Variants in TMEM198 observed in about 807,000 individuals in gnomAD.
The protein encoded by TMEM198 is transmembrane protein 198.
Under a neutral mutation model 31.5 loss-of-function variants are expected in TMEM198, and 21 were observed. The ratio of observed to expected loss-of-function variants is 0.67; its 90% CI spans 0.47 to 0.96. TMEM198 has a LOEUF of 0.96. Ranked by LOEUF, TMEM198 falls within the 40% of genes least tolerant of loss-of-function variation. The probability of loss-of-function intolerance (pLI) is 0.00; values close to 1 mark genes in which losing one functional copy is unlikely to be tolerated. For synonymous variants in TMEM198, 211 were observed against 223.3 expected (o/e 0.95, Z 0.49); for missense variants, 447 against 499.4 (o/e 0.89, Z 1.00).
chr2:219,546,155 T>A (rs957398240), intron 2 of TMEM198, among the ~76,000 whole-genome samples: 3 of 152,106 alleles, frequency 2.0e-5, no homozygotes, highest in African/African-American at 4.8e-5. Context: ...CCTCCTGGAC[T>A]CTCATACTTC....
chr2:219,544,417 G>A, intron 1 of TMEM198, 40 bp downstream of exon 1: 1 of 537,386 alleles, frequency 1.9e-6, no homozygotes. Context: ...GCCCACAGAT[G>A]AATCTCTTGG....
In TMEM198 at chr2:219,549,067, G is replaced by A. The variant is rs1312146740; in HGVS notation, c.743-85G>A. The A allele has an allele frequency of 2.7e-6, 4 of 1,495,496 alleles. No individual in the cohort carries two copies. The Admixed American group carries it at 5.3e-5, about 20-fold the overall frequency. The allele number at this position is 1,495,496 out of a possible 1,614,324, so 92.6% of individuals were successfully genotyped here. A position where few individuals can be genotyped will look rare whatever the true frequency, so the allele number is the denominator to read the frequency against. Reference sequence around the variant, plus strand: ...GACAAGAGGAATCTGGAAGCCTAGAGCCACAGGTGGGATGAGAGAGGGAGG... The same window carrying A: ...GACAAGAGGAATCTGGAAGCCTAGAACCACAGGTGGGATGAGAGAGGGAGG... On this transcript the variant is annotated intron_variant, in intron 3 of 4. Coordinates refer to ENST00000373883, the MANE Select transcript of TMEM198 (RefSeq NM_001005209.3).
rs182023062 is a variant in TMEM198 at position 219,545,949 on chromosome 2, C to T, written c.166+1056C>T. Among the ~76,000 whole-genome samples the T allele has an allele frequency of 3.8e-3, 572 of 152,150 alleles. 1 individual carries two copies. The highest frequency in any genetic ancestry group is 0.013 in the African/African-American group (548 of 41,418). On this transcript the variant is annotated intron_variant, in intron 2 of 4. Coordinates refer to ENST00000373883, the MANE Select transcript of TMEM198 (RefSeq NM_001005209.3). ...GTGCCCCCCGCAAGGGTTCAGGACA[C>T]GTTCTGGGCCTCCAAGGATTCTGTA...
intron 2 of TMEM198, 132 bp from the exon 3 acceptor site, chr2:219,547,374 A>G: frequency 3.0e-6 from 2 of 656,878 alleles, no homozygotes; most frequent in Non-Finnish European, 4.7e-6. Flanking sequence ...GACTCCAGTG[A>G]CCCTCAATTC....
intron 2 of TMEM198, 169 bp from the exon 3 acceptor site, chr2:219,547,337 C>A: frequency 1.9e-6 from 1 of 514,704 alleles, no homozygotes; most frequent in Non-Finnish European, 3.3e-6. Flanking sequence ...CCCCTGACCT[C>A]AATGGCCCCA....
chr2:219,549,658 G>A, intron 4 of TMEM198, 59 bp from the exon 5 acceptor site: 1 of 1,597,034 alleles, frequency 6.3e-7, no homozygotes, highest in South Asian at 1.1e-5. Flanking sequence ...TTCAGGAAGA[G>A]GTGGCTTTTA....
At chr2:219,543,698 T>C (rs1574502666), upstream of TMEM198, 2 of 470,228 alleles carry the variant, frequency 4.3e-6, no homozygotes, top group Non-Finnish European at 7.0e-6. Flanking sequence ...CCGAGCCGAA[T>C]CCCCGGAGCC....
chr2:219,547,701 T>G lies in TMEM198; in HGVS notation c.362T>G (p.Val121Gly). The G allele has an allele frequency of 1.9e-6, 3 of 1,570,178 alleles. No homozygotes were observed. Among genetic ancestry groups the G allele is most frequent in the South Asian group, 1.2e-5 (1 of 86,360 alleles). Reference sequence around the variant, plus strand: ...GTGCGCAGCGTGGGCCTCTTCCTGGTGGGGCTGCTGCTCGGCCTGCTGCTC... The same window carrying G: ...GTGCGCAGCGTGGGCCTCTTCCTGGGGGGGCTGCTGCTCGGCCTGCTGCTC... ...MLVRSVGLFL[V>G]GLLLGLLLAA... The change falls in exon 3 of 5, where the codon GTG (valine) becomes GGG (glycine). Residue 121 changes from valine to glycine, a missense_variant. Val to Gly is a moderately radical substitution (Grantham distance 109). Transcript: ENST00000373883.
chr2:219,549,728 G>C lies in TMEM198; in HGVS notation c.957G>C (p.Gln319His), dbSNP rs1264060439. The C allele has an allele frequency of 1.2e-6, 2 of 1,613,758 alleles. No individual in the cohort carries two copies. Among genetic ancestry groups the C allele is most frequent in the Admixed American group, 1.7e-5 (1 of 59,992 alleles). The change falls in exon 5 of 5, where the codon CAG becomes CAC. Residue 319 changes from glutamine (Q) to histidine (H), a missense_variant. Coordinates refer to ENST00000373883, the MANE Select transcript of TMEM198 (RefSeq NM_001005209.3). ...NGDVLSPSYI[Q>H]SFRDRQTGSS... ...TTGCTCCCCCACAGAGCTATATCCA[G>C]AGCTTCCGAGACCGGCAGACCGGGA...
In TMEM198 at chr2:219,544,840, C is replaced by T. The variant is rs1372966399; in HGVS notation, c.113C>T (p.Pro38Leu). ...CTGGAGCGCAGGTACCAGGCACTGC[C>T]GGCCCTCGTCTGCATCATGTGCTGT... Reference protein sequence around the residue: ...QPLERRYQALPALVCIMCCLF... With the variant: ...QPLERRYQALLALVCIMCCLF... The change falls in exon 2 of 5, where the codon CCG becomes CTG. Residue 38 changes from proline to leucine, a missense_variant. Transcript: ENST00000373883. 5 of 1,614,216 alleles carry T rather than the reference C, an allele frequency of 3.1e-6. No individual in the cohort carries two copies. The highest frequency in any genetic ancestry group is 4.2e-6 in the Non-Finnish European group (5 of 1,180,030).
chr2:219,543,793 G>T (rs960502256), upstream of TMEM198: 2 of 458,302 alleles, frequency 4.4e-6, no homozygotes, highest in African/African-American at 4.1e-5. Context: ...GGCCGCAGCT[G>T]TCCGACGTGT....
At chr2:219,545,041 T>G in intron 2 of TMEM198, 148 bp downstream of exon 2, 4 of 1,099,288 alleles carry the variant, frequency 3.6e-6, no homozygotes, top group Non-Finnish European at 5.1e-6. Flanking sequence ...TTGTCTAGAC[T>G]CTAGATTATA....
At position 219,550,007 on chromosome 2, in the gene TMEM198, G is replaced by C; in HGVS notation, c.*153G>C. The stretch of plus-strand genomic sequence containing the variant: ...TAGAAGGGAGGATTGTCTCAGGCGA[G>C]TCTTGGCCTGAGAGGAAAGCCCCCT... On this transcript the variant is annotated 3_prime_UTR_variant, in exon 5 of 5. Coordinates refer to ENST00000373883, the MANE Select transcript of TMEM198 (RefSeq NM_001005209.3). 9.3e-7 allele frequency: 1 copy of C among 1,076,974 alleles called. No individual in the cohort carries two copies. The highest frequency in any genetic ancestry group is 1.3e-6 in the Non-Finnish European group (1 of 768,590). The allele number at this position is 1,076,974 out of a possible 1,614,324, so 66.7% of individuals were successfully genotyped here.
chr2:219,545,418 C>T (rs550907996), intron 2 of TMEM198, among the ~76,000 whole-genome samples: 2 of 152,192 alleles, frequency 1.3e-5, no homozygotes, highest in African/African-American at 4.8e-5. Flanking sequence ...ATCCAGCCTA[C>T]AAGGCAGGCT....
Position 219,547,942 on chromosome 2 carries a change from G to A in TMEM198, c.603G>A (p.Val201=), listed in dbSNP as rs746316131. The A allele has an allele frequency of 1.3e-6, 2 of 1,593,928 alleles. No individual in the cohort carries two copies. The highest frequency in any genetic ancestry group is 2.2e-5 in the South Asian group (2 of 89,664). Residue 201 remains valine, a synonymous_variant, in exon 3 of 5, where the codon GTG becomes GTA. Transcript: ENST00000373883. ...FAELLLLGRY[V]VERLRAAPVP... is the part of the protein sequence containing the mutation. ...AGCTGCTACTGCTGGGGCGCTACGT[G>A]GTGGAGCGACTCCGGGCTGCTCCTG...
rs371506311 is a variant in TMEM198, at chr2:219,549,370, C to G, written c.945+16C>G. The stretch of plus-strand genomic sequence containing the variant: ...CCTCTCCCCGGTGAGCTCCCTGAGC[C>G]CATCCAGCCAGAATGAGAAGGAAGT... On this transcript the variant is annotated intron_variant, in intron 4 of 4. Transcript: ENST00000373883. 2 of 1,601,442 alleles carry G rather than the reference C, an allele frequency of 1.2e-6. No individual in the cohort carries two copies. Among genetic ancestry groups the G allele is most frequent in the African/African-American group, 2.7e-5 (2 of 74,482 alleles).
In TMEM198 at chr2:219,544,213, G is replaced by A. The variant is rs1344939745; in HGVS notation, c.-204G>A. The A allele has an allele frequency of 4.3e-6, 2 of 463,272 alleles. No homozygotes were observed. Among genetic ancestry groups the A allele is most frequent in the Admixed American group, 4.7e-5 (2 of 42,574 alleles). 28.7% of individuals were successfully genotyped at this position (463,272 alleles called of 1,614,324 possible). On this transcript the variant is annotated 5_prime_UTR_variant, in exon 1 of 5. Coordinates refer to ENST00000373883, the MANE Select transcript of TMEM198 (RefSeq NM_001005209.3). The stretch of plus-strand genomic sequence containing the variant: ...CCGGTGTTGGACGTGGAGCGGCGCC[G>A]CCACCGCGCCGACACCATTCTCTCC...
chr2:219,547,270 T>A, intron 2 of TMEM198: 1 of 414,618 alleles, frequency 2.4e-6, no homozygotes, highest in Non-Finnish European at 4.3e-6. Context: ...ACCCTCATGA[T>A]CTCAATGGTT....
In TMEM198 at chr2:219,547,974, C is replaced by A. The variant is rs200617980; in HGVS notation, c.635C>A (p.Pro212Gln). 675 of 1,587,866 alleles carry A rather than the reference C, an allele frequency of 4.3e-4. 10 individuals are homozygous for A. The East Asian group carries it at 0.014, about 33-fold the overall frequency. ...CGACTCCGGGCTGCTCCTGTGCCCCCACTCTGCTGGCGAAGCTGGGCCCTG... is the reference window on the plus strand; with the variant it reads ...CGACTCCGGGCTGCTCCTGTGCCCCAACTCTGCTGGCGAAGCTGGGCCCTG... ...VERLRAAPVPPLCWRSWALLA... is the reference protein window; with the variant it reads ...VERLRAAPVPQLCWRSWALLA... The change falls in exon 3 of 5, where the codon CCA (proline) becomes CAA (glutamine). Residue 212 changes from proline (P) to glutamine (Q), a missense_variant. Transcript: ENST00000373883.
Sources: gnomAD v4.1 joint callset for allele counts (sites outside exome capture counted in the v4.1 genomes callset) on GRCh38, gnomAD v4.1.1 for gene constraint, MANE v1.5 for transcripts, NCBI Gene and HGNC (gene_info 2026-07-23, HGNC 2026-07-21) for gene names.